The following TAF3 variants were observed in gnomAD, a reference collection of about 807,000 sequenced individuals.
The protein encoded by TAF3 is transcription initiation factor TFIID subunit 3.
TAF3 carries 7 observed loss-of-function variants against 80.6 expected under a neutral mutation model. The ratio of observed to expected loss-of-function variants is 0.09; its 90% confidence interval spans 0.05 to 0.16. TAF3 has a LOEUF of 0.16. TAF3 is among the 10% of genes least tolerant of loss of function. TAF3 has a pLI of 1.00. For synonymous variants in TAF3, 444 were observed against 446.1 expected, an observed-to-expected ratio of 1.00 and a Z score of 0.06; for missense variants, 921 against 1,140.2, an observed-to-expected ratio of 0.81 and a Z score of 2.77.
At chr10:8,002,634 T>A (rs1831955119) in intron 4 of TAF3, among the ~76,000 whole-genome samples, 1 of 152,230 alleles carries the variant, frequency 6.6e-6, no homozygotes, top group African/African-American at 2.4e-5. Flanking sequence ...TTGTTCAGTA[T>A]ATTTTAGAAA....
At chr10:7,827,122 C>T (rs1384912409) in intron 2 of TAF3, among the ~76,000 whole-genome samples, 3 of 152,130 alleles carry the variant, frequency 2.0e-5, no homozygotes, top group African/African-American at 7.2e-5. Flanking sequence ...CTGGAGCTGG[C>T]GAGTGTGCAC....
chr10:7,920,544 A>G (rs1368894399), intron 2 of TAF3, among the ~76,000 whole-genome samples: 2 of 152,194 alleles, frequency 1.3e-5, no homozygotes, highest in East Asian at 1.9e-4. Flanking sequence ...CTATAATGAA[A>G]TAGAAAATAA....
At chr10:7,892,398 A>G (rs1436574199) in intron 2 of TAF3, among the ~76,000 whole-genome samples, 1 of 152,240 alleles carries the variant, frequency 6.6e-6, no homozygotes, top group East Asian at 1.9e-4. Context: ...AAGAACCATA[A>G]TGTACTTTTC....
intron 2 of TAF3, among the ~76,000 whole-genome samples, chr10:7,871,078 A>C (rs2131145244): frequency 6.6e-6 from 1 of 152,292 alleles, no homozygotes; most frequent in East Asian, 1.9e-4. Flanking sequence ...TAAAAATAGT[A>C]ATACACTGTA....
chr10:7,842,087 G>A (rs901978086), intron 2 of TAF3, among the ~76,000 whole-genome samples: 6 of 151,106 alleles, frequency 4.0e-5, no homozygotes, highest in Admixed American at 6.6e-5. Flanking sequence ...TCATTGAGTT[G>A]CGTGAGTACC....
chr10:7,922,231 C>G (rs1206877070), intron 2 of TAF3, among the ~76,000 whole-genome samples: 2 of 152,082 alleles, frequency 1.3e-5, no homozygotes, highest in Non-Finnish European at 2.9e-5. Context: ...AATAAGCAAA[C>G]TATCACTGCA....
intron 2 of TAF3, among the ~76,000 whole-genome samples, chr10:7,918,821 G>C (rs11255442): frequency 1.3e-5 from 2 of 152,138 alleles, no homozygotes; most frequent in Non-Finnish European, 2.9e-5. Flanking sequence ...AAAGGAAGAG[G>C]CATAACCCTT....
intron 2 of TAF3, chr10:7,834,000 T>C: frequency 4.6e-6 from 1 of 218,598 alleles, no homozygotes; most frequent in Non-Finnish European, 9.5e-6. Context: ...GCCAGACTGT[T>C]CTTTCTATAG....
intron 4 of TAF3, among the ~76,000 whole-genome samples, chr10:7,999,800 G>C (rs1233773207): frequency 2.0e-5 from 3 of 152,128 alleles, no homozygotes; most frequent in African/African-American, 7.2e-5. Flanking sequence ...ATTGTAGGAG[G>C]TTTTCTCTTC....
chr10:8,004,169 T>C (rs564602223), intron 4 of TAF3, among the ~76,000 whole-genome samples: 6 of 152,104 alleles, frequency 3.9e-5, no homozygotes, highest in Admixed American at 3.9e-4. Flanking sequence ...TCCTGCCTCC[T>C]CCTCTGGAGT....
At chr10:7,848,950 G>GAA (rs1836999555) in intron 2 of TAF3, among the ~76,000 whole-genome samples, 1 of 152,140 alleles carries the variant, frequency 6.6e-6, no homozygotes, top group African/African-American at 2.4e-5. Flanking sequence ...TCCCAGTAGG[G>GAA]TGTTTTTGAG....
At chr10:7,833,800 G>T in intron 2 of TAF3, 2 of 385,968 alleles carry the variant, frequency 5.2e-6, no homozygotes, top group East Asian at 5.4e-5. Context: ...CCTGTCAGCT[G>T]GGTGGCCAAT....
Position 8,014,710 on chromosome 10 carries a change from AAGG to A in TAF3, c.2751_2753del (p.Lys917_Asp918delinsAsn). 6.2e-7 allele frequency: 1 copy of A among 1,610,100 alleles called. No homozygotes were observed. Among genetic ancestry groups the A allele is most frequent in the Non-Finnish European group, 8.5e-7 (1 of 1,178,084 alleles). ...CTGCCCCAAGTGTGCGAACAAGAAG[AAGG>A]ACAAAAAGCACAAGAAGAGGAAGCA... On this transcript the variant is annotated inframe_deletion, in exon 7 of 7. Transcript: ENST00000344293.
chr10:7,986,668 A>C (rs1831781051), intron 4 of TAF3, among the ~76,000 whole-genome samples: 1 of 152,184 alleles, frequency 6.6e-6, no homozygotes. Flanking sequence ...CAGCATCTTC[A>C]AGCTTGGCTG....
At chr10:7,826,539 CA>C (rs1836743352) in intron 2 of TAF3, among the ~76,000 whole-genome samples, 1 of 150,556 alleles carries the variant, frequency 6.6e-6, no homozygotes, top group Admixed American at 6.6e-5. Flanking sequence ...TTATTTGAAG[CA>C]AAAAAAGAAA....
At chr10:7,990,603 TAAA>T (rs1156961750) in intron 4 of TAF3, among the ~76,000 whole-genome samples, 2 of 152,174 alleles carry the variant, frequency 1.3e-5, no homozygotes, top group African/African-American at 4.8e-5. Context: ...GAAAATACAT[TAAA>T]AGAAGAAAAA....
At chr10:7,886,668 C>G (rs1837411768) in intron 2 of TAF3, among the ~76,000 whole-genome samples, 1 of 152,186 alleles carries the variant, frequency 6.6e-6, no homozygotes, top group African/African-American at 2.4e-5. Flanking sequence ...ACATAGCTGA[C>G]ATCCAGTAAA....
intron 3 of TAF3, among the ~76,000 whole-genome samples, chr10:7,976,376 A>AG (rs1289076149): frequency 6.6e-6 from 1 of 150,660 alleles, no homozygotes; most frequent in Non-Finnish European, 1.5e-5. Context: ...CCTCTTGAGT[A>AG]GATGGGACTA....
intron 2 of TAF3, among the ~76,000 whole-genome samples, chr10:7,854,478 CAT>C (rs1383609431): frequency 1.1e-4 from 16 of 152,162 alleles, no homozygotes; most frequent in African/African-American, 3.9e-4. Flanking sequence ...ACAAAGCTAA[CAT>C]ATACAAAGCA....
Sources: allele counts gnomAD v4.1 joint callset (sites outside exome capture counted in the v4.1 genomes callset), GRCh38; gene constraint gnomAD v4.1.1; transcripts MANE v1.5; gene names NCBI Gene and HGNC (gene_info 2026-07-23, HGNC 2026-07-21).